Variants in ZNF148 observed in about 807,000 individuals in gnomAD.
ZNF148 encodes Beta-Enolase Repressor Factor-1.
A neutral mutation model predicts 67.7 loss-of-function variants in ZNF148; 7 were observed. That is an observed-to-expected ratio of 0.10 (90% CI 0.06 to 0.19). The LOEUF (loss-of-function observed/expected upper bound fraction) is 0.19. ZNF148 is among the 10% of genes least tolerant of loss of function. ZNF148 has a pLI of 1.00. For missense variants in ZNF148, 583 were observed against 947.1 expected, an observed-to-expected ratio of 0.62 and a Z score of 5.05; for synonymous variants, 333 against 330.7, an observed-to-expected ratio of 1.01 and a Z score of -0.08.
intron 1 of ZNF148, among the ~76,000 whole-genome samples, chr3:125,359,003 T>C (rs1320728606): frequency 6.6e-6 from 1 of 152,226 alleles, no homozygotes; most frequent in African/African-American, 2.4e-5. Context: ...TTCTTTAAGA[T>C]ACTCATCATT....
intron 1 of ZNF148, chr3:125,338,965 T>A (rs1941608158): frequency 6.6e-6 from 1 of 152,202 alleles, no homozygotes; most frequent in African/African-American, 2.4e-5. Context: ...ATTTTTAATC[T>A]GATTAGGAAA....
intron 4 of ZNF148, among the ~76,000 whole-genome samples, chr3:125,295,857 C>G (rs1939255012): frequency 6.6e-6 from 1 of 152,094 alleles, no homozygotes; most frequent in Non-Finnish European, 1.5e-5. Flanking sequence ...CATCTTACAT[C>G]AGAAAATCAA....
intron 7 of ZNF148, 68 bp from the exon 8 acceptor site, chr3:125,234,397 G>A: frequency 8.1e-6 from 9 of 1,105,066 alleles, no homozygotes; most frequent in Non-Finnish European, 1.2e-5. Context: ...TTTGCCATAA[G>A]AATCTCTAAA....
chr3:125,354,561 T>C (rs898553655), intron 1 of ZNF148, among the ~76,000 whole-genome samples: 2 of 152,220 alleles, frequency 1.3e-5, no homozygotes, highest in African/African-American at 4.8e-5. Context: ...TTTTCTAAAA[T>C]TAACTAGGGG....
chr3:125,307,811 ATTTTTTTTT>A (rs34469920), intron 4 of ZNF148, among the ~76,000 whole-genome samples: 1 of 127,288 alleles, frequency 7.9e-6, no homozygotes, highest in Non-Finnish European at 1.6e-5. Context: ...TGCCCAGATA[ATTTTTTTTT>A]TTTTTTTTTT....
At chr3:125,336,695 T>TTTTTTTTTA (rs1941509594) in intron 1 of ZNF148, among the ~76,000 whole-genome samples, 3 of 147,442 alleles carry the variant, frequency 2.0e-5, no homozygotes, top group African/African-American at 2.5e-5. Flanking sequence ...TTTTTTTTTT[T>TTTTTTTTTA]GAGATGTAGT....
chr3:125,331,901 T>C (rs775393781), intron 1 of ZNF148, among the ~76,000 whole-genome samples: 25 of 152,154 alleles, frequency 1.6e-4, no homozygotes, highest in Non-Finnish European at 3.2e-4. Flanking sequence ...TGAGGTATAT[T>C]AAATGAAAGT....
intron 1 of ZNF148, among the ~76,000 whole-genome samples, chr3:125,353,143 A>G (rs2107762963): frequency 6.6e-6 from 1 of 152,346 alleles, no homozygotes; most frequent in Admixed American, 6.5e-5. Flanking sequence ...AAAATACTGC[A>G]ACATACTAAA....
chr3:125,288,628 A>G (rs989370935), intron 4 of ZNF148, among the ~76,000 whole-genome samples: 7 of 152,150 alleles, frequency 4.6e-5, no homozygotes, highest in African/African-American at 1.7e-4. Context: ...CTAGGGAATA[A>G]AAGAGGTATT....
chr3:125,286,950 C>A (rs1262504452), intron 5 of ZNF148, among the ~76,000 whole-genome samples: 1 of 152,050 alleles, frequency 6.6e-6, no homozygotes, highest in Non-Finnish European at 1.5e-5. Context: ...AATATTTAAC[C>A]ACCAACTAAG....
chr3:125,233,103 C>T lies in ZNF148; in HGVS notation c.1623G>A (p.Leu541=). 6.2e-7 allele frequency: 1 copy of T among 1,613,678 alleles called. No homozygotes were observed. Residue 541 remains leucine (L), a synonymous_variant, in exon 9 of 9, where the codon CTG becomes CTA. Coordinates refer to ENST00000360647, the MANE Select transcript of ZNF148 (RefSeq NM_021964.3). This position sits in a 1 kb window ranked among gnomAD's most constrained non-coding sequence, Gnocchi z 5.1. ...GGGAATAATGATCCAACAGAGTCTG[C>T]AGTACCTCATCTGGAATAACATTTT... ...HDKNVIPDEV[L]QTLLDHYSHK...
intron 3 of ZNF148, among the ~76,000 whole-genome samples, chr3:125,317,471 G>T (rs1940556580): frequency 1.3e-5 from 2 of 151,756 alleles, no homozygotes; most frequent in South Asian, 2.1e-4. Flanking sequence ...GAAAAGACTG[G>T]AAACAAATTT....
intron 4 of ZNF148, among the ~76,000 whole-genome samples, chr3:125,310,535 C>T (rs1003714572): frequency 2.0e-5 from 3 of 151,734 alleles, no homozygotes; most frequent in African/African-American, 4.8e-5. Context: ...AAAATGAATA[C>T]GCTTCCACTT....
intron 3 of ZNF148, among the ~76,000 whole-genome samples, chr3:125,320,490 T>C (rs1418385349): frequency 1.3e-5 from 2 of 152,202 alleles, no homozygotes; most frequent in East Asian, 3.8e-4. Context: ...AGATCCTACG[T>C]TTCTGTTTCA....
intron 7 of ZNF148, among the ~76,000 whole-genome samples, chr3:125,240,720 C>G (rs1360890422): frequency 6.6e-6 from 1 of 150,620 alleles, no homozygotes; most frequent in Non-Finnish European, 1.5e-5. Flanking sequence ...GCTGTGATTG[C>G]GCCACTGCAT....
chr3:125,262,029 G>A (rs2107574768), intron 7 of ZNF148, among the ~76,000 whole-genome samples: 1 of 152,038 alleles, frequency 6.6e-6, no homozygotes. Context: ...TGAAAACGCT[G>A]GAATTCTCTT....
chr3:125,229,170 A>T lies in ZNF148; in HGVS notation c.*3171T>A, dbSNP rs1349561116. On this transcript the variant is annotated 3_prime_UTR_variant, in exon 9 of 9. Transcript: ENST00000360647. The stretch of plus-strand genomic sequence containing the variant: ...TTTAAAATGTTCTAAGAAATGCAGT[A>T]CTACAGTAATGCCTACTTTTAAAGT... The T allele has an allele frequency of 6.6e-6, 1 of 151,706 alleles. No individual in the cohort carries two copies. Among genetic ancestry groups the T allele is most frequent in the Admixed American group, 6.6e-5 (1 of 15,206 alleles). The allele number at this position is 151,706 out of a possible 1,614,324, so 9.4% of individuals were successfully genotyped here. A position where few individuals can be genotyped will look rare whatever the true frequency, so the allele number is the denominator to read the frequency against.
At chr3:125,245,561 G>A (rs771782064) in intron 7 of ZNF148, among the ~76,000 whole-genome samples, 11 of 152,142 alleles carry the variant, frequency 7.2e-5, no homozygotes, top group Non-Finnish European at 1.5e-4. Context: ...TGCCACAAAT[G>A]GCACTCCTCT....
chr3:125,280,390 G>A (rs1351443152), intron 5 of ZNF148, among the ~76,000 whole-genome samples: 1 of 152,006 alleles, frequency 6.6e-6, no homozygotes, highest in Non-Finnish European at 1.5e-5. Context: ...GCAACATTAA[G>A]CTGCCTTTTG....
Sources: gnomAD v4.1 joint callset for allele counts (sites outside exome capture counted in the v4.1 genomes callset) on GRCh38, gnomAD v4.1.1 for gene constraint, Gnocchi (gnomAD v3.1) non-coding constraint, MANE v1.5 for transcripts, NCBI Gene and HGNC (gene_info 2026-07-23, HGNC 2026-07-21) for gene names.